SGCD: variants seen among roughly 807,000 people sequenced by gnomAD.
SGCD encodes the protein delta-sarcoglycan.
A neutral mutation model predicts 36.6 loss-of-function variants in SGCD; 18 were observed. That is an observed-to-expected ratio of 0.49 (90% CI 0.34 to 0.73). The LOEUF (loss-of-function observed/expected upper bound fraction) is 0.73, where lower values mean the gene tolerates loss of function less well. SGCD is among the 30% of genes least tolerant of loss of function. The pLI, the probability that SGCD is intolerant of heterozygous loss-of-function variation, is 0.01. For missense variants in SGCD, 387 were observed against 346.7 expected, an observed-to-expected ratio of 1.12 and a Z score of -0.92; for synonymous variants, 133 against 130.6, an observed-to-expected ratio of 1.02 and a Z score of -0.12.
chr5:155,810,828 T>A, the SGCD span, among the ~76,000 whole-genome samples: 1 of 85,210 alleles, frequency 1.2e-5, no homozygotes, highest in African/African-American at 4.7e-5. Flanking sequence ...TTTTTTTTTT[T>A]TTTTTTTGAG....
chr5:156,694,969 AGC>A, intron 7 of SGCD, among the ~76,000 whole-genome samples: 1 of 152,334 alleles, frequency 6.6e-6, no homozygotes, highest in African/African-American at 2.4e-5. Flanking sequence ...TCTTTCTTGG[AGC>A]ACTGAGTAAA....
chr5:156,215,201 C>T lies in SGCD; in HGVS notation c.-44+91182C>T, dbSNP rs181422705. On this transcript the variant is annotated intron_variant, in intron 3 of 9. Transcript: ENST00000517913. ...TCCAAATCCAAAATACTTCTTGTCT[C>T]AAGCATTTCAGATAAGGGATATTCA... is the stretch of plus-strand genomic sequence containing the variant. Among the ~76,000 whole-genome samples the T allele has an allele frequency of 4.2e-3, 637 of 152,108 alleles. 3 individuals carry two copies. Among genetic ancestry groups the T allele is most frequent in the Middle Eastern group, 0.014 (4 of 294 alleles).
chr5:156,458,480 G>A (rs1754349843), intron 3 of SGCD: 1 of 1,608,864 alleles, frequency 6.2e-7, no homozygotes, highest in Non-Finnish European at 8.5e-7. Context: ...CCCCAACACA[G>A]TCAGCAAATG....
intron 3 of SGCD, among the ~76,000 whole-genome samples, chr5:156,169,559 A>G (rs571562936): frequency 4.0e-4 from 61 of 152,232 alleles, no homozygotes; most frequent in African/African-American, 1.4e-3. Context: ...TTGGAAGGGG[A>G]CAAACTATAA....
chr5:156,480,989 C>A (rs561418102), intron 3 of SGCD, among the ~76,000 whole-genome samples: 1 of 152,314 alleles, frequency 6.6e-6, no homozygotes, highest in East Asian at 1.9e-4. Flanking sequence ...TCCAACCCAT[C>A]CACTAATCGT....
At chr5:156,605,629 C>A (rs1298768211) in intron 6 of SGCD, among the ~76,000 whole-genome samples, 1 of 152,222 alleles carries the variant, frequency 6.6e-6, no homozygotes, top group Admixed American at 6.5e-5. Context: ...GCCACACTGA[C>A]TTCCACAATG....
chr5:156,757,934 A>C, intron 8 of SGCD: 1 of 1,291,186 alleles, frequency 7.7e-7, no homozygotes, highest in Non-Finnish European at 9.9e-7. Flanking sequence ...ATGTATTCCA[A>C]GTACAGAATT....
chr5:155,857,886 G>A, the SGCD span, among the ~76,000 whole-genome samples: 1 of 152,158 alleles, frequency 6.6e-6, no homozygotes. Context: ...TACATTTAAT[G>A]TGACTACTAA....
intron 6 of SGCD, among the ~76,000 whole-genome samples, chr5:156,626,016 C>T (rs1762425377): frequency 6.7e-6 from 1 of 150,146 alleles, no homozygotes; most frequent in Non-Finnish European, 1.5e-5. Context: ...TGTTGAGAAA[C>T]ATCTTTGGCA....
At chr5:155,747,004 GT>G in the SGCD span, among the ~76,000 whole-genome samples, 1 of 152,066 alleles carries the variant, frequency 6.6e-6, no homozygotes, top group Non-Finnish European at 1.5e-5. Context: ...GTTTTGGGTG[GT>G]CTCTGGGGTG....
chr5:156,177,880 T>C (rs1763510224), intron 3 of SGCD, among the ~76,000 whole-genome samples: 1 of 152,184 alleles, frequency 6.6e-6, no homozygotes, highest in Non-Finnish European at 1.5e-5. Context: ...AAAATGAATT[T>C]TTTTAAATCA....
intron 3 of SGCD, among the ~76,000 whole-genome samples, chr5:156,293,639 G>GT (rs1052778193): frequency 9.9e-5 from 15 of 152,102 alleles, no homozygotes; most frequent in African/African-American, 3.6e-4. Flanking sequence ...ATATGTCAAG[G>GT]TTTTTTTATT....
chr5:155,909,643 G>T (rs1756590994), intron 1 of SGCD, among the ~76,000 whole-genome samples: 1 of 152,132 alleles, frequency 6.6e-6, no homozygotes, highest in African/African-American at 2.4e-5. Flanking sequence ...CCAAGGGCAT[G>T]GAAAGAGCTT....
intron 3 of SGCD, among the ~76,000 whole-genome samples, chr5:156,494,945 C>T (rs559368620): frequency 2.0e-5 from 3 of 152,244 alleles, no homozygotes; most frequent in Admixed American, 1.3e-4. Context: ...GTATATCCTA[C>T]CCTCTCTCTT....
At chr5:156,017,925 C>T (rs112455027) in intron 1 of SGCD, among the ~76,000 whole-genome samples, 10,919 of 152,044 alleles carry the variant, frequency 0.072, 1,355 homozygotes, top group African/African-American at 0.25. Context: ...TTTGGGAGGC[C>T]GAGACTGGAG....
chr5:156,610,992 G>C (rs1761775201), intron 6 of SGCD, among the ~76,000 whole-genome samples: 1 of 152,230 alleles, frequency 6.6e-6, no homozygotes, highest in Non-Finnish European at 1.5e-5. Flanking sequence ...GCGCTTCCCA[G>C]GTGAGGCGAT....
intron 1 of SGCD, among the ~76,000 whole-genome samples, chr5:156,000,814 A>T (rs985649275): frequency 2.1e-4 from 32 of 151,502 alleles, no homozygotes; most frequent in Non-Finnish European, 3.8e-4. Context: ...ATATATATAT[A>T]TTTTTGCCCT....
chr5:156,476,711 C>G lies in SGCD; in HGVS notation c.193-31890C>G, dbSNP rs1755197721. Among the ~76,000 whole-genome samples the G allele has an allele frequency of 3.3e-5, 5 of 152,310 alleles. No homozygotes were observed. In the South Asian group the frequency reaches 1.0e-3, roughly 32 times the overall value. ...AATGGTAAATCCCAAACCTCTTCAGCAAGATCATTGTAGAGGAAAATTGTC... is the reference window on the plus strand; with the variant it reads ...AATGGTAAATCCCAAACCTCTTCAGGAAGATCATTGTAGAGGAAAATTGTC... On this transcript the variant is annotated intron_variant, in intron 3 of 8. Transcript: ENST00000337851.
intron 1 of SGCD, among the ~76,000 whole-genome samples, chr5:156,069,431 T>G (rs1335268604): frequency 6.6e-6 from 1 of 152,122 alleles, no homozygotes; most frequent in Non-Finnish European, 1.5e-5. Flanking sequence ...ATCAGATAGT[T>G]GTAGATATGT....
Sources: gnomAD v4.1 joint callset for allele counts (sites outside exome capture counted in the v4.1 genomes callset) on GRCh38, gnomAD v4.1.1 for gene constraint, MANE v1.5 for transcripts, NCBI Gene and HGNC (gene_info 2026-07-23, HGNC 2026-07-21) for gene names.